The following OSBPL3 variants were observed in gnomAD, a reference collection of about 807,000 sequenced individuals.
OSBPL3 encodes oxysterol binding protein like 3, also known as oxysterol-binding protein-related protein 3.
A neutral mutation model predicts 120.1 loss-of-function variants in OSBPL3; 65 were observed. The ratio of observed to expected loss-of-function variants is 0.54; its 90% CI spans 0.44 to 0.67. The LOEUF (loss-of-function observed/expected upper bound fraction) is 0.67, where lower values mean the gene tolerates loss of function less well. Among genes scored for constraint, OSBPL3 ranks in the 30% least tolerant of loss-of-function variants. The pLI, the probability that OSBPL3 is intolerant of heterozygous loss-of-function variation, is 0.00. For missense variants in OSBPL3, 1,004 were observed against 1,082.1 expected (o/e 0.93, Z 1.01); for synonymous variants, 416 against 402.6 (o/e 1.03, Z -0.40).
intron 22 of OSBPL3, 42 bp from the exon 23 acceptor site, chr7:24,800,321 G>A: frequency 8.6e-7 from 1 of 1,164,814 alleles, no homozygotes; most frequent in Non-Finnish European, 1.3e-6. Flanking sequence ...CTTGAAACCA[G>A]CGTCACATTC....
At position 24,855,480 on chromosome 7, in the gene OSBPL3, T is replaced by C. The variant is rs890097624; in HGVS notation, c.1028-2846A>G. Among the ~76,000 whole-genome samples the C allele has an allele frequency of 2.6e-5, 4 of 152,232 alleles. No homozygotes were observed. The highest frequency in any genetic ancestry group is 2.6e-4 in the Admixed American group (4 of 15,282). ...TAAGATAAGCAGAAAGAAACTCATA[T>C]AGTCATTATATTTTATTGTAAGGAA... On this transcript the variant is annotated intron_variant, in intron 10 of 22. Coordinates refer to ENST00000313367, the MANE Select transcript of OSBPL3 (RefSeq NM_015550.4). This position sits in a 1 kb window ranked among gnomAD's most constrained non-coding sequence, Gnocchi z 4.3.
At position 24,912,860 on chromosome 7, in the gene OSBPL3, C is replaced by T. The variant is rs190434189; in HGVS notation, c.-149-20239G>A. On this transcript the variant is annotated intron_variant, in intron 1 of 22. Coordinates refer to ENST00000313367, the MANE Select transcript of OSBPL3 (RefSeq NM_015550.4). This position sits in a 1 kb window ranked among gnomAD's most constrained non-coding sequence, Gnocchi z 4.5. The stretch of plus-strand genomic sequence containing the variant: ...GCTTCTAATTATGGCAGAAATGATG[C>T]TTCGTGACTTCTGAGGCTGCATTAG... Among the ~76,000 whole-genome samples the T allele has an allele frequency of 3.9e-5, 6 of 152,310 alleles. No homozygotes were observed. The South Asian group carries it at 6.2e-4, about 16-fold the overall frequency.
At chr7:24,861,811 A>T in intron 9 of OSBPL3, 42 bp from the exon 10 acceptor site, 1 of 1,344,724 alleles carries the variant, frequency 7.4e-7, no homozygotes, top group Non-Finnish European at 1.0e-6. Flanking sequence ...TCAGATGCAG[A>T]TTGCTTAGAA....
intron 1 of OSBPL3, among the ~76,000 whole-genome samples, chr7:24,903,068 T>C (rs893906897): frequency 1.3e-4 from 20 of 152,258 alleles, no homozygotes; most frequent in African/African-American, 4.8e-4. Flanking sequence ...AAGGTGCTGC[T>C]GGGCTGTTGG....
intron 1 of OSBPL3, among the ~76,000 whole-genome samples, chr7:24,909,787 T>TTTC (rs1808543447): frequency 7.7e-5 from 5 of 65,066 alleles, no homozygotes; most frequent in Non-Finnish European, 1.9e-4. Context: ...TTCTTTCTTT[T>TTTC]TTTTTTTTTT....
chr7:24,977,660 C>T (rs908934555), intron 1 of OSBPL3, among the ~76,000 whole-genome samples: 2 of 152,022 alleles, frequency 1.3e-5, no homozygotes, highest in African/African-American at 4.8e-5. Flanking sequence ...ATCGAGACCA[C>T]CCTGGCTAAC....
At chr7:24,893,749 G>C (rs577263528) in intron 1 of OSBPL3, among the ~76,000 whole-genome samples, 18 of 151,420 alleles carry the variant, frequency 1.2e-4, no homozygotes, top group Admixed American at 2.6e-4. Context: ...GCGGCGGGGC[G>C]GGGGGGACGG....
chr7:24,976,579 T>C (rs1185407258), intron 1 of OSBPL3, among the ~76,000 whole-genome samples: 2 of 151,886 alleles, frequency 1.3e-5, no homozygotes, highest in Non-Finnish European at 2.9e-5. Flanking sequence ...AGAAAGCTGA[T>C]GAATGTGTAA....
intron 17 of OSBPL3, 76 bp from the exon 18 acceptor site, chr7:24,816,764 G>T: frequency 1.1e-6 from 1 of 923,112 alleles, no homozygotes; most frequent in Non-Finnish European, 1.8e-6. Flanking sequence ...CTAGATAAAT[G>T]ATCAATCGCT....
In OSBPL3 at chr7:24,842,366, A is replaced by G. The variant is rs1239724748; in HGVS notation, c.1314T>C (p.Asn438=). ...AGTCAGTGATGGAGAGTCTACTTTC[A>G]TTAGAAAGCTGATGAACTAGAGCTC... ...ENRALVHQLS[N]ESRLSITDSL... Residue 438 remains asparagine (N), a synonymous_variant, in exon 13 of 23, where the codon AAT becomes AAC. Coordinates refer to ENST00000313367, the MANE Select transcript of OSBPL3 (RefSeq NM_015550.4). 1.2e-6 allele frequency: 2 copies of G among 1,612,846 alleles called. No individual in the cohort carries two copies. The highest frequency in any genetic ancestry group is 1.1e-5 in the South Asian group (1 of 90,710).
In OSBPL3 at chr7:24,841,717, A is replaced by AAAAAAAAAG. The variant is rs70942886; in HGVS notation, c.1401+561_1401+562insCTTTTTTTT. The stretch of plus-strand genomic sequence containing the variant: ...CTCAAAAAAAAAAAAAAAAAAAAAA[A>AAAAAAAAAG]AAAAGAGGCCAGGCACAGTGGCTCA... On this transcript the variant is annotated intron_variant, in intron 13 of 22. Transcript: ENST00000313367. Among the ~76,000 whole-genome samples the AAAAAAAAAG allele has an allele frequency of 3.0e-4, 25 of 82,796 alleles. 4 individuals are homozygous for AAAAAAAAAG. Among genetic ancestry groups the AAAAAAAAAG allele is most frequent in the African/African-American group, 1.1e-3 (22 of 20,780 alleles). The allele number at this position is 82,796 out of a possible 152,430, so 54.3% of individuals were successfully genotyped here.
chr7:24,845,445 A>ATG lies in OSBPL3; in HGVS notation c.1267-3034_1267-3033dup, dbSNP rs112776265. 2.0e-3 allele frequency among the ~76,000 whole-genome samples: 229 copies of ATG among 114,840 alleles called. 1 individual carries two copies. The highest frequency in any genetic ancestry group is 8.2e-3 in the African/African-American group (196 of 23,886). The allele number at this position is 114,840 out of a possible 152,430, so 75.3% of individuals were successfully genotyped here. A position where few individuals can be genotyped will look rare whatever the true frequency, so the allele number is the denominator to read the frequency against. The stretch of plus-strand genomic sequence containing the variant: ...CCCATACCTATCTGTATTTGTGTGT[A>ATG]TGTGTGTGTGTGTGTATGTGTGTGT... On this transcript the variant is annotated intron_variant, in intron 12 of 22. Coordinates refer to ENST00000313367, the MANE Select transcript of OSBPL3 (RefSeq NM_015550.4).
At position 24,849,156 on chromosome 7, in the gene OSBPL3, A is replaced by T. The variant is rs758771088; in HGVS notation, c.1179T>A (p.Asp393Glu). ...ALSSALAQNT[D>E]LKERLRRIHA... ...GGATTCTGCGTAAGCGTTCTTTAAG[A>T]TCTGTGTTTTGTGCTAGGGCCTGGA... Residue 393 changes from aspartate to glutamate, a missense_variant, in exon 12 of 23, where the codon GAT (aspartate) becomes GAA (glutamate). Asp to Glu is a conservative substitution (Grantham distance 45, BLOSUM62 2). Around this residue, in one of 4 missense-constraint regions of OSBPL3, gnomAD observed 272 missense variants for 248.8 expected, o/e 1.09. Coordinates refer to ENST00000313367, the MANE Select transcript of OSBPL3 (RefSeq NM_015550.4). The surrounding 1 kb of genome is among the most constrained non-coding windows in gnomAD (Gnocchi z 5.4). 1 of 1,613,832 alleles carries T rather than the reference A, an allele frequency of 6.2e-7. No homozygotes were observed. The highest frequency in any genetic ancestry group is 2.2e-5 in the East Asian group (1 of 44,868).
rs1414645372 is a variant in OSBPL3 at position 24,802,012 on chromosome 7, T to C, written c.2568-1733A>G. ...TAACAATTCCTGTAATTAGCATGGC[T>C]GGGTCAAAGAGTATGTGCATTTGTG... On this transcript the variant is annotated intron_variant, in intron 22 of 22. Transcript: ENST00000313367. The surrounding 1 kb of genome is among the most constrained non-coding windows in gnomAD (Gnocchi z 4.1). 6.6e-6 allele frequency among the ~76,000 whole-genome samples: 1 copy of C among 152,246 alleles called. No individual in the cohort carries two copies. The highest frequency in any genetic ancestry group is 2.4e-5 in the African/African-American group (1 of 41,466).
At position 24,936,534 on chromosome 7, in the gene OSBPL3, G is replaced by A. The variant is rs1360323253; in HGVS notation, c.-150+43352C>T. On this transcript the variant is annotated intron_variant, in intron 1 of 22. Transcript: ENST00000313367. This position sits in a 1 kb window ranked among gnomAD's most constrained non-coding sequence, Gnocchi z 4.2. ...TAAACAGCCAATTCTGTCTAGGAGT[G>A]GGAAAGCAGAATGACTCTGAGAAAG... Among the ~76,000 whole-genome samples the A allele has an allele frequency of 6.6e-6, 1 of 152,200 alleles. No homozygotes were observed. The highest frequency in any genetic ancestry group is 1.5e-5 in the Non-Finnish European group (1 of 68,038).
At position 24,980,083 on chromosome 7, in the gene OSBPL3, G is replaced by A. The variant is rs965298447; in HGVS notation, c.-347C>T. ...GACTGCGGGGCCGGAGCCGCGCTGCGCACCGGCCGCGAAGCGCTCAAGTCC... is the reference window on the plus strand; with the variant it reads ...GACTGCGGGGCCGGAGCCGCGCTGCACACCGGCCGCGAAGCGCTCAAGTCC... On this transcript the variant is annotated 5_prime_UTR_variant, in exon 1 of 23. Transcript: ENST00000313367. 23 of 983,798 alleles carry A rather than the reference G, an allele frequency of 2.3e-5. No homozygotes were observed. Among genetic ancestry groups the A allele is most frequent in the Non-Finnish European group, 2.8e-5 (23 of 828,618 alleles). 60.9% of individuals were successfully genotyped at this position (983,798 alleles called of 1,614,324 possible).
chr7:24,800,200 G>A lies in OSBPL3; in HGVS notation c.2647C>T (p.His883Tyr). 6.3e-7 allele frequency: 1 copy of A among 1,593,692 alleles called. No homozygotes were observed. The highest frequency in any genetic ancestry group is 8.6e-7 in the Non-Finnish European group (1 of 1,161,472). ...RKDLGFSKLDHPVLW is the reference protein window; with the variant it reads ...RKDLGFSKLDYPVLW ...TTACTTTTTCACCATAAGACAGGAT[G>A]GTCCAGTTTGGAAAAACCAAGATCT... is the stretch of plus-strand genomic sequence containing the variant. The change falls in exon 23 of 23, where the codon CAT (histidine) becomes TAT (tyrosine). Residue 883 changes from histidine (H) to tyrosine (Y), a missense_variant. Physicochemically the swap from His to Tyr is moderately conservative, Grantham distance 83. This residue lies in a region of OSBPL3 where 473 missense variants were observed against 568.0 expected (regional missense o/e 0.83). Coordinates refer to ENST00000313367, the MANE Select transcript of OSBPL3 (RefSeq NM_015550.4).
chr7:24,897,949 A>C (rs1002548474), intron 1 of OSBPL3, among the ~76,000 whole-genome samples: 1 of 152,222 alleles, frequency 6.6e-6, no homozygotes, highest in Non-Finnish European at 1.5e-5. Context: ...ACTTTCATGA[A>C]GGCCAGATGG....
Position 24,840,870 on chromosome 7 carries a change from A to G in OSBPL3, c.1402-87T>C. The G allele has an allele frequency of 6.2e-6, 4 of 648,670 alleles. 1 individual carries two copies. In the South Asian group the frequency reaches 7.3e-5, roughly 12 times the overall value. The allele number at this position is 648,670 out of a possible 1,614,324, so 40.2% of individuals were successfully genotyped here. A position where few individuals can be genotyped will look rare whatever the true frequency, so the allele number is the denominator to read the frequency against. On this transcript the variant is annotated intron_variant, in intron 13 of 22. Transcript: ENST00000313367. ...AAACCCTTACTCTAAATGATCAAACATGTTGAGTCTCACAGTACAAATACT... is the reference window on the plus strand; with the variant it reads ...AAACCCTTACTCTAAATGATCAAACGTGTTGAGTCTCACAGTACAAATACT...
Sources: allele counts gnomAD v4.1 joint callset (sites outside exome capture counted in the v4.1 genomes callset), GRCh38; gene constraint gnomAD v4.1.1; regional missense constraint gnomAD v4.1.1; non-coding constraint Gnocchi (gnomAD v3.1); transcripts MANE v1.5; gene names NCBI Gene and HGNC (gene_info 2026-07-23, HGNC 2026-07-21).